CDH7: variants seen among roughly 807,000 people sequenced by gnomAD.
The protein encoded by CDH7 is cadherin-7.
In CDH7, 25 loss-of-function variants were observed where a neutral mutation model predicts 71.8. That is an observed-to-expected ratio of 0.35 (90% CI 0.25 to 0.49). CDH7 has a LOEUF of 0.49. CDH7 is among the 20% of genes least tolerant of loss of function. The probability of loss-of-function intolerance (pLI) is 0.99; values close to 1 mark genes in which losing one functional copy is unlikely to be tolerated. For synonymous variants in CDH7, 381 were observed against 363.8 expected, an observed-to-expected ratio of 1.05 and a Z score of -0.54; for missense variants, 862 against 974.6, an observed-to-expected ratio of 0.88 and a Z score of 1.54.
chr18:65,851,288 C>T (rs1260412943), intron 7 of CDH7, among the ~76,000 whole-genome samples: 3 of 152,104 alleles, frequency 2.0e-5, no homozygotes, highest in Non-Finnish European at 4.4e-5. Context: ...CACAAATGCA[C>T]ATATCGACAA....
chr18:65,795,325 T>G (rs1910873401), intron 2 of CDH7, among the ~76,000 whole-genome samples: 2 of 152,138 alleles, frequency 1.3e-5, no homozygotes. Context: ...AAAGGATGTT[T>G]TAGTTAATGG....
intron 2 of CDH7, among the ~76,000 whole-genome samples, chr18:65,793,965 T>C (rs17710386): frequency 0.47 from 72,063 of 151,912 alleles, 20,026 homozygotes; most frequent in African/African-American, 0.78. Flanking sequence ...AAGCTGTGGG[T>C]GTTATATTGT....
In CDH7 at chr18:65,792,535, A is replaced by G. The variant is rs560809155; in HGVS notation, c.211-17169A>G. 1.7e-3 allele frequency among the ~76,000 whole-genome samples: 263 copies of G among 152,110 alleles called. 1 individual carries two copies. The highest frequency in any genetic ancestry group is 2.1e-3 in the Non-Finnish European group (146 of 68,026). On this transcript the variant is annotated intron_variant, in intron 2 of 11. Transcript: ENST00000397968. Reference sequence around the variant, plus strand: ...AAGGACAATGCAGATAGAAGAATCTATGTATCTTCCTTCTAAGGTAATATG... The same window carrying G: ...AAGGACAATGCAGATAGAAGAATCTGTGTATCTTCCTTCTAAGGTAATATG...
intron 7 of CDH7, among the ~76,000 whole-genome samples, chr18:65,855,451 A>G (rs1913320477): frequency 6.6e-6 from 1 of 152,098 alleles, no homozygotes; most frequent in South Asian, 2.1e-4. Flanking sequence ...CACTATAAAC[A>G]AATCTACTGA....
At chr18:65,791,779 G>T (rs578030128) in intron 2 of CDH7, among the ~76,000 whole-genome samples, 2 of 152,306 alleles carry the variant, frequency 1.3e-5, no homozygotes, top group African/African-American at 4.8e-5. Flanking sequence ...ATTCTGTTCA[G>T]TAAACACTGT....
At chr18:65,810,053 A>G (rs1281967809) in intron 3 of CDH7, 55 bp downstream of exon 3, 3 of 1,412,270 alleles carry the variant, frequency 2.1e-6, no homozygotes, top group East Asian at 2.3e-5. Context: ...GGAGATTTGT[A>G]TTTAAAATTA....
intron 4 of CDH7, among the ~76,000 whole-genome samples, chr18:65,815,349 C>T (rs115444546): frequency 0.014 from 2,195 of 152,188 alleles, 41 homozygotes; most frequent in African/African-American, 0.049. Context: ...TTTTAAATCA[C>T]TGTGAAAATC....
rs1911253362 is a variant in CDH7, at chr18:65,804,732, G to C, written c.211-4972G>C. On this transcript the variant is annotated intron_variant, in intron 2 of 11. Coordinates refer to ENST00000397968, the MANE Select transcript of CDH7 (RefSeq NM_004361.5). ...TGTGTGTGTGTGTGTGTGTATTTAT[G>C]AGAGAGAGAAAAAGGGAGAGAGAAC... is the stretch of plus-strand genomic sequence containing the variant. Among the ~76,000 whole-genome samples, 4 of 138,540 alleles carry C rather than the reference G, an allele frequency of 2.9e-5. No homozygotes were observed. The Admixed American group carries it at 2.9e-4, about 10-fold the overall frequency. The allele number at this position is 138,540 out of a possible 152,430, so 90.9% of individuals were successfully genotyped here.
intron 3 of CDH7, among the ~76,000 whole-genome samples, chr18:65,812,754 A>G (rs1452373770): frequency 1.3e-5 from 2 of 152,186 alleles, no homozygotes; most frequent in Admixed American, 1.3e-4. Flanking sequence ...TCAGAAAAAA[A>G]TGTGTTATTG....
intron 6 of CDH7, among the ~76,000 whole-genome samples, chr18:65,825,759 A>G (rs1361996143): frequency 2.6e-5 from 4 of 151,846 alleles, no homozygotes; most frequent in South Asian, 2.1e-4. Flanking sequence ...GGCCAATGAG[A>G]AAAACATTTC....
At chr18:65,790,989 C>G (rs1271056181) in intron 2 of CDH7, among the ~76,000 whole-genome samples, 8 of 152,138 alleles carry the variant, frequency 5.3e-5, no homozygotes, top group Non-Finnish European at 5.9e-5. Context: ...ATTTAGACAC[C>G]TTGAACAGAA....
intron 5 of CDH7, among the ~76,000 whole-genome samples, chr18:65,823,050 T>G (rs971362030): frequency 6.6e-6 from 1 of 151,798 alleles, no homozygotes. Flanking sequence ...GCTTTTCCAG[T>G]AGAAATGGGG....
chr18:65,852,819 A>G (rs1913198064), intron 7 of CDH7, among the ~76,000 whole-genome samples: 1 of 152,142 alleles, frequency 6.6e-6, no homozygotes, highest in South Asian at 2.1e-4. Flanking sequence ...GCCACATATG[A>G]TCTTACATAT....
chr18:65,875,616 G>A (rs1914051432), intron 11 of CDH7, among the ~76,000 whole-genome samples: 2 of 152,168 alleles, frequency 1.3e-5, no homozygotes, highest in Admixed American at 1.3e-4. Context: ...GCCGGGCGTG[G>A]TGGCTCACAC....
intron 2 of CDH7, among the ~76,000 whole-genome samples, chr18:65,782,569 G>C (rs979543817): frequency 2.6e-5 from 4 of 152,098 alleles, no homozygotes; most frequent in African/African-American, 7.2e-5. Context: ...TCTCATCTAT[G>C]ATAGTTATTT....
At chr18:65,867,364 A>T (rs1913796873) in intron 11 of CDH7, among the ~76,000 whole-genome samples, 1 of 152,032 alleles carries the variant, frequency 6.6e-6, no homozygotes, top group South Asian at 2.1e-4. Flanking sequence ...AGAAATTACA[A>T]CCCATAACTA....
At chr18:65,857,468 AC>A (rs1441581906) in intron 7 of CDH7, among the ~76,000 whole-genome samples, 2 of 151,518 alleles carry the variant, frequency 1.3e-5, no homozygotes, top group East Asian at 3.9e-4. Context: ...GATCCACTCC[AC>A]CCCAGCCTGG....
intron 7 of CDH7, among the ~76,000 whole-genome samples, chr18:65,857,234 G>A (rs2144026544): frequency 6.6e-6 from 1 of 151,020 alleles, no homozygotes; most frequent in East Asian, 1.9e-4. Flanking sequence ...TATAATCCCA[G>A]CATATTAGGA....
At chr18:65,866,841 A>G (rs917839260) in intron 11 of CDH7, among the ~76,000 whole-genome samples, 3 of 151,846 alleles carry the variant, frequency 2.0e-5, no homozygotes, top group Non-Finnish European at 4.4e-5. Context: ...ATTTATTTAC[A>G]CCTGAATTCT....
Sources: gnomAD v4.1 joint callset for allele counts (sites outside exome capture counted in the v4.1 genomes callset) on GRCh38, gnomAD v4.1.1 for gene constraint, MANE v1.5 for transcripts, NCBI Gene and HGNC (gene_info 2026-07-23, HGNC 2026-07-21) for gene names.